The following ATP2B2 variants were observed in gnomAD, a reference collection of about 807,000 sequenced individuals.
ATP2B2 encodes plasma membrane calcium-transporting ATPase 2.
In ATP2B2, 15 loss-of-function variants were observed where a neutral mutation model predicts 120.0. The ratio of observed to expected loss-of-function variants is 0.12; its 90% CI spans 0.08 to 0.19. The LOEUF (loss-of-function observed/expected upper bound fraction) is 0.19. ATP2B2 is among the 10% of genes least tolerant of loss of function. ATP2B2 has a pLI of 1.00. For missense variants in ATP2B2, 1,045 were observed against 1,719.8 expected (o/e 0.61, Z 6.94); for synonymous variants, 694 against 700.3 (o/e 0.99, Z 0.14).
chr3:10,571,962 G>C (rs913666379), intron 2 of ATP2B2, among the ~76,000 whole-genome samples: 9 of 152,174 alleles, frequency 5.9e-5, no homozygotes, highest in Admixed American at 2.0e-4. Flanking sequence ...CCCATTAAGG[G>C]GGTCAACTTC....
At chr3:10,556,478 G>A (rs574109784) in intron 2 of ATP2B2, among the ~76,000 whole-genome samples, 10 of 152,352 alleles carry the variant, frequency 6.6e-5, no homozygotes, top group South Asian at 2.1e-4. Context: ...AAGGCAGGGC[G>A]AGTGGCAAGT....
chr3:10,452,950 T>C (rs185613071), intron 1 of ATP2B2, among the ~76,000 whole-genome samples: 186 of 152,320 alleles, frequency 1.2e-3, no homozygotes, highest in Non-Finnish European at 2.2e-3. Context: ...GCAGTAGAAA[T>C]CACCTGTGAT....
chr3:10,560,972 G>A lies in ATP2B2; in HGVS notation c.-414-26839C>T, dbSNP rs940751312. 2.6e-5 allele frequency among the ~76,000 whole-genome samples: 4 copies of A among 152,052 alleles called. No homozygotes were observed. In the South Asian group the frequency reaches 6.2e-4, roughly 24 times the overall value. ...ACTACTCCTTCTGCCTGGAACACTCGTGCCCTGCTTTCTTCCAAGAAAATC... is the reference window on the plus strand; with the variant it reads ...ACTACTCCTTCTGCCTGGAACACTCATGCCCTGCTTTCTTCCAAGAAAATC... On this transcript the variant is annotated intron_variant, in intron 2 of 21. Coordinates refer to the ATP2B2 transcript ENST00000646379.
chr3:10,580,534 C>T (rs142309281), intron 2 of ATP2B2, among the ~76,000 whole-genome samples: 53 of 152,296 alleles, frequency 3.5e-4, no homozygotes, highest in African/African-American at 1.2e-3. Flanking sequence ...GCCCTTCCCA[C>T]GATACCCCTG....
chr3:10,391,920 C>T (rs1233688228), intron 5 of ATP2B2, among the ~76,000 whole-genome samples: 1 of 152,166 alleles, frequency 6.6e-6, no homozygotes, highest in Non-Finnish European at 1.5e-5. Context: ...GTTCACTGGG[C>T]CTTGGTGTCT....
intron 1 of ATP2B2, among the ~76,000 whole-genome samples, chr3:10,695,251 G>GGAGGGGGAGGGA (rs60247955): frequency 7.9e-6 from 1 of 126,910 alleles, no homozygotes; most frequent in Non-Finnish European, 1.6e-5. Context: ...AGGGAGGGAG[G>GGAGGGGGAGGGA]GAGAGAGAGA....
chr3:10,577,502 A>G (rs2068281076), intron 2 of ATP2B2, among the ~76,000 whole-genome samples: 1 of 152,220 alleles, frequency 6.6e-6, no homozygotes, highest in Non-Finnish European at 1.5e-5. Context: ...AGGGCTGCAG[A>G]AACCATCGGC....
At chr3:10,464,797 G>C (rs1391576877) in intron 1 of ATP2B2, among the ~76,000 whole-genome samples, 1 of 152,242 alleles carries the variant, frequency 6.6e-6, no homozygotes, top group African/African-American at 2.4e-5. Context: ...TAGCCAGCGA[G>C]AGAAACTAGA....
At chr3:10,466,760 A>C (rs973504067) in intron 1 of ATP2B2, among the ~76,000 whole-genome samples, 1 of 152,232 alleles carries the variant, frequency 6.6e-6, no homozygotes, top group Non-Finnish European at 1.5e-5. Context: ...ATGAGTGTTC[A>C]TTAGATGCTT....
chr3:10,476,645 G>A (rs1206036076), intron 1 of ATP2B2, among the ~76,000 whole-genome samples: 1 of 152,260 alleles, frequency 6.6e-6, no homozygotes, highest in Non-Finnish European at 1.5e-5. Context: ...AGCTTGGCGG[G>A]AGGGAGAAAG....
intron 1 of ATP2B2, among the ~76,000 whole-genome samples, chr3:10,696,462 C>G (rs1559525846): frequency 6.6e-6 from 1 of 152,178 alleles, no homozygotes; most frequent in Non-Finnish European, 1.5e-5. Flanking sequence ...GTTCTCCATG[C>G]TCTTCTGCCT....
At chr3:10,366,972 A>C (rs1183350904) in intron 12 of ATP2B2, among the ~76,000 whole-genome samples, 2 of 152,262 alleles carry the variant, frequency 1.3e-5, no homozygotes, top group Non-Finnish European at 2.9e-5. Context: ...TGCCATTCTC[A>C]GAAAGGATGG....
intron 2 of ATP2B2, among the ~76,000 whole-genome samples, chr3:10,538,619 C>T (rs1477662823): frequency 6.6e-6 from 1 of 152,140 alleles, no homozygotes; most frequent in Non-Finnish European, 1.5e-5. Flanking sequence ...GAACCAAAGA[C>T]AAAAACCACT....
chr3:10,622,441 C>T (rs1245592653), intron 1 of ATP2B2, among the ~76,000 whole-genome samples: 2 of 152,094 alleles, frequency 1.3e-5, no homozygotes, highest in Non-Finnish European at 2.9e-5. Context: ...GTTTTTCTGT[C>T]CATAAATAAA....
chr3:10,385,189 G>A (rs939532153), intron 8 of ATP2B2, 79 bp downstream of exon 8: 1 of 1,419,200 alleles, frequency 7.0e-7, no homozygotes. Context: ...TCCAGAACAA[G>A]GAAAGAAAGC....
intron 14 of ATP2B2, 58 bp downstream of exon 14, chr3:10,358,633 G>C: frequency 2.6e-6 from 4 of 1,542,870 alleles, no homozygotes; most frequent in South Asian, 1.1e-5. Context: ...AGGTCACCCT[G>C]GTGGCTGGCC....
chr3:10,596,996 C>T (rs970430593), intron 2 of ATP2B2, among the ~76,000 whole-genome samples: 3 of 150,494 alleles, frequency 2.0e-5, no homozygotes, highest in Admixed American at 1.3e-4. Context: ...CGCAGGTGCA[C>T]ACGCACACAG....
Position 10,472,426 on chromosome 3 carries a change from C to T in ATP2B2, c.-319-22564G>A, listed in dbSNP as rs372113081. 1.7e-4 allele frequency among the ~76,000 whole-genome samples: 26 copies of T among 152,274 alleles called. No individual in the cohort carries two copies. In the East Asian group the frequency reaches 4.4e-3, roughly 26 times the overall value. On this transcript the variant is annotated intron_variant, in intron 1 of 22. Coordinates refer to ENST00000360273, the MANE Select transcript of ATP2B2 (RefSeq NM_001001331.4). ...CAGACCTCTTGCTGGGGGGACGCTG[C>T]GGGGCAGGGCAAGGACTGTTCCAAG... is the stretch of plus-strand genomic sequence containing the variant.
At chr3:10,450,837 C>T (rs1196214855) in intron 1 of ATP2B2, among the ~76,000 whole-genome samples, 2 of 152,184 alleles carry the variant, frequency 1.3e-5, no homozygotes, top group Non-Finnish European at 2.9e-5. Flanking sequence ...TCCACCCCGA[C>T]ACCCAACACC....
Sources: gnomAD v4.1 joint callset for allele counts (sites outside exome capture counted in the v4.1 genomes callset) on GRCh38, gnomAD v4.1.1 for gene constraint, MANE v1.5 for transcripts, NCBI Gene and HGNC (gene_info 2026-07-23, HGNC 2026-07-21) for gene names.